Variants in SFI1 observed in about 807,000 individuals in gnomAD.
SFI1 encodes SFI1 centrin binding protein.
In SFI1, 195 loss-of-function variants were observed where a neutral mutation model predicts 207.5. That is an observed-to-expected ratio of 0.94 (90% CI 0.84 to 1.06). The LOEUF (loss-of-function observed/expected upper bound fraction) is 1.06, where lower values mean the gene tolerates loss of function less well. Ranked by LOEUF, SFI1 falls within the 50% of genes least tolerant of loss-of-function variation. SFI1 has a pLI of 0.00. For synonymous variants in SFI1, 630 were observed against 598.9 expected, an observed-to-expected ratio of 1.05 and a Z score of -0.76; for missense variants, 1,634 against 1,588.0, an observed-to-expected ratio of 1.03 and a Z score of -0.49.
intron 15 of SFI1, among the ~76,000 whole-genome samples, chr22:31,591,304 G>A (rs2065867695): frequency 6.6e-6 from 1 of 152,092 alleles, no homozygotes. Context: ...AGATCAACAG[G>A]ATCCCAAGGC....
intron 5 of SFI1, among the ~76,000 whole-genome samples, chr22:31,547,396 C>T (rs374699839): frequency 1.4e-4 from 21 of 152,290 alleles, no homozygotes; most frequent in East Asian, 5.8e-4. Context: ...CTGCAACTTC[C>T]GTCTCCTAGG....
chr22:31,567,573 G>C (rs182594133), intron 8 of SFI1, among the ~76,000 whole-genome samples: 2 of 151,990 alleles, frequency 1.3e-5, no homozygotes, highest in African/African-American at 4.8e-5. Flanking sequence ...TGTGGAGGGG[G>C]GGGGTGTGTG....
intron 1 of SFI1, among the ~76,000 whole-genome samples, chr22:31,506,283 G>A (rs1446308801): frequency 6.6e-6 from 1 of 151,988 alleles, no homozygotes; most frequent in Non-Finnish European, 1.5e-5. Flanking sequence ...CCTGACTTCA[G>A]GTGATCTGCC....
At chr22:31,601,052 A>T (rs1294345759) in intron 15 of SFI1, among the ~76,000 whole-genome samples, 1 of 150,496 alleles carries the variant, frequency 6.6e-6, no homozygotes, top group African/African-American at 2.4e-5. Context: ...GCAGGATTTG[A>T]TGTTGTTAAT....
intron 2 of SFI1, among the ~76,000 whole-genome samples, chr22:31,528,286 A>C (rs5998029): frequency 2.2e-4 from 34 of 152,016 alleles, no homozygotes; most frequent in African/African-American, 8.0e-4. Flanking sequence ...CACAGTGGCG[A>C]GCACCTGTGG....
intron 8 of SFI1, among the ~76,000 whole-genome samples, chr22:31,562,451 A>G (rs564933959): frequency 2.0e-4 from 31 of 151,916 alleles, no homozygotes; most frequent in African/African-American, 6.5e-4. Context: ...AAAAAAAAAA[A>G]AAAAGAAGTA....
chr22:31,611,689 TG>T, intron 23 of SFI1, 76 bp from the exon 24 acceptor site: 1 of 1,408,908 alleles, frequency 7.1e-7, no homozygotes, highest in Non-Finnish European at 9.7e-7. Flanking sequence ...GGGCAGAGGC[TG>T]GGTTAGATCA....
intron 20 of SFI1, 200 bp from the exon 21 acceptor site, chr22:31,606,128 T>C: frequency 1.7e-6 from 1 of 581,210 alleles, no homozygotes; most frequent in Non-Finnish European, 3.1e-6. Flanking sequence ...GCACTCTTGG[T>C]GCCCAGCCCA....
chr22:31,614,743 C>T (rs745610905), intron 27 of SFI1, 46 bp from the exon 28 acceptor site: 11 of 1,591,390 alleles, frequency 6.9e-6, no homozygotes, highest in Non-Finnish European at 7.8e-6. Context: ...GACCCCCCTG[C>T]AGCCCCTGGT....
At chr22:31,558,156 A>C (rs5998043) in intron 7 of SFI1, among the ~76,000 whole-genome samples, 31 of 152,324 alleles carry the variant, frequency 2.0e-4, no homozygotes, top group African/African-American at 7.2e-4. Context: ...GTTTGTCATC[A>C]GGAATAAATA....
rs538696335 is a variant in SFI1 at position 31,597,981 on chromosome 22, GT to G, written c.1545-4217del. ...AATAAAGTTCGATGAGTTTTCATAG[GT>G]TTTTTTTTTTTTTGAGACGGAGTCT... On this transcript the variant is annotated intron_variant, in intron 15 of 32. Coordinates refer to ENST00000400288, the MANE Select transcript of SFI1 (RefSeq NM_001007467.3). Among the ~76,000 whole-genome samples, 1,128 of 144,076 alleles carry G rather than the reference GT, an allele frequency of 7.8e-3. 1 individual carries two copies. Among genetic ancestry groups the G allele is most frequent in the Non-Finnish European group, 0.01 (663 of 65,392 alleles). The allele number at this position is 144,076 out of a possible 152,430, so 94.5% of individuals were successfully genotyped here.
intron 7 of SFI1, chr22:31,559,406 G>C: frequency 1.1e-5 from 4 of 348,278 alleles, no homozygotes; most frequent in South Asian, 9.7e-5. Context: ...CTGGGCAACA[G>C]AGTGAGACTC....
Position 31,603,741 on chromosome 22 carries a change from CAGG to C in SFI1, c.1808_1810del (p.Arg603del). 1 of 1,534,528 alleles carries C rather than the reference CAGG, an allele frequency of 6.5e-7. No individual in the cohort carries two copies. The highest frequency in any genetic ancestry group is 8.7e-7 in the Non-Finnish European group (1 of 1,153,874). Reference sequence around the variant, plus strand: ...AGCACTGAGCTCTGCCATCTCCCCACAGGAGGACGGGCAGGGTGCGGGCAGCAG... The same window carrying C: ...AGCACTGAGCTCTGCCATCTCCCCACAGGACGGGCAGGGTGCGGGCAGCAG... On this transcript the variant is annotated splice_acceptor_variant and coding_sequence_variant, in exon 18 of 33. Transcript: ENST00000400288. LOFTEE classifies it high-confidence loss of function.
rs144028097 is a variant in SFI1 at position 31,614,262 on chromosome 22, C to T, written c.2996+407C>T. ...CAAGACACTGGCTTTTTGTCAGAAG[C>T]CCCTCTTTCTTGTGTGAGCTGGCAC... On this transcript the variant is annotated intron_variant, in intron 27 of 32. Coordinates refer to ENST00000400288, the MANE Select transcript of SFI1 (RefSeq NM_001007467.3). 2,959 of 321,526 alleles carry T rather than the reference C, an allele frequency of 9.2e-3. 20 individuals carry two copies. Among genetic ancestry groups the T allele is most frequent in the South Asian group, 0.014 (408 of 29,330 alleles). The allele number at this position is 321,526 out of a possible 1,614,324, so 19.9% of individuals were successfully genotyped here.
chr22:31,546,472 A>G (rs2060091715), intron 4 of SFI1, among the ~76,000 whole-genome samples: 1 of 152,078 alleles, frequency 6.6e-6, no homozygotes. Context: ...CTGGGACTAC[A>G]GGTGCGTGCC....
chr22:31,505,959 G>C lies in SFI1; in HGVS notation c.-30-2296G>C, dbSNP rs1418396515. On this transcript the variant is annotated intron_variant, in intron 1 of 32. Transcript: ENST00000400288. ...GTAACACTTTGGGAGGCTGAGGTGG[G>C]AGGATCACCTGAGCCTGAGGAGGTC... Among the ~76,000 whole-genome samples the C allele has an allele frequency of 2.0e-5, 3 of 151,840 alleles. No individual in the cohort carries two copies. In the South Asian group the frequency reaches 6.3e-4, roughly 32 times the overall value.
chr22:31,525,809 G>C (rs771477504), intron 2 of SFI1, among the ~76,000 whole-genome samples: 2 of 152,034 alleles, frequency 1.3e-5, no homozygotes, highest in Non-Finnish European at 2.9e-5. Context: ...CTGTTCCATT[G>C]GCCTATGTGT....
intron 15 of SFI1, among the ~76,000 whole-genome samples, chr22:31,598,227 C>T (rs889713851): frequency 1.2e-4 from 18 of 151,926 alleles, no homozygotes; most frequent in Non-Finnish European, 2.4e-4. Flanking sequence ...CCTCATGATC[C>T]GCCCGCCTTG....
intron 14 of SFI1, among the ~76,000 whole-genome samples, chr22:31,589,211 C>T (rs5994407): frequency 1.3e-5 from 2 of 149,744 alleles, no homozygotes; most frequent in Admixed American, 6.7e-5. Context: ...TATGTGTGTG[C>T]GTGTGTGTGT....
Sources: allele counts gnomAD v4.1 joint callset (sites outside exome capture counted in the v4.1 genomes callset), GRCh38; gene constraint gnomAD v4.1.1; transcripts MANE v1.5; gene names NCBI Gene and HGNC (gene_info 2026-07-23, HGNC 2026-07-21).